METTL15: variants seen among roughly 807,000 people sequenced by gnomAD.
METTL15 encodes the protein 12S rRNA N(4)-cytidine methyltransferase METTL15.
METTL15 carries 34 observed loss-of-function variants against 38.3 expected under a neutral mutation model. The observed-to-expected ratio is 0.89, with a 90% CI of 0.68 to 1.18. The LOEUF is 1.18. Among genes scored for constraint, METTL15 ranks in the 50% most tolerant of loss-of-function variants. The pLI, the probability that METTL15 is intolerant of heterozygous loss-of-function variation, is 0.00. For synonymous variants in METTL15, 162 were observed against 170.9 expected (o/e 0.95, Z 0.41); for missense variants, 438 against 498.4 (o/e 0.88, Z 1.15).
intron 6 of METTL15, among the ~76,000 whole-genome samples, chr11:28,444,955 G>T (rs1286824089): frequency 6.6e-6 from 1 of 152,162 alleles, no homozygotes; most frequent in Non-Finnish European, 1.5e-5. Context: ...GGGGCTTGCT[G>T]TATGAGGACT....
At chr11:28,494,234 C>A (rs1410732023) in intron 6 of METTL15, among the ~76,000 whole-genome samples, 1 of 152,152 alleles carries the variant, frequency 6.6e-6, no homozygotes, top group East Asian at 1.9e-4. Flanking sequence ...GAAGGCCATG[C>A]AACAGGGGTC....
intron 5 of METTL15, among the ~76,000 whole-genome samples, chr11:28,388,934 C>T (rs1850470989): frequency 7.3e-5 from 11 of 151,486 alleles, no homozygotes; most frequent in Admixed American, 7.2e-4. Flanking sequence ...ATGCAGTGTT[C>T]GGTTTTTTGT....
intron 4 of METTL15, among the ~76,000 whole-genome samples, chr11:28,279,192 A>G (rs1279908137): frequency 6.6e-6 from 1 of 152,124 alleles, no homozygotes; most frequent in East Asian, 1.9e-4. Flanking sequence ...GACCTGGTGA[A>G]TTGTATTTTG....
chr11:28,119,079 T>C (rs908855207), intron 3 of METTL15, among the ~76,000 whole-genome samples: 5 of 152,192 alleles, frequency 3.3e-5, no homozygotes, highest in Non-Finnish European at 5.9e-5. Flanking sequence ...CCTTCAGGCC[T>C]GGAGTCAGGT....
intron 3 of METTL15, chr11:28,124,067 T>C: frequency 2.4e-6 from 1 of 416,686 alleles, no homozygotes; most frequent in Non-Finnish European, 4.2e-6. Flanking sequence ...AAGTATCATG[T>C]CAGATATGGA....
At chr11:28,462,916 T>C (rs1379913765) in intron 6 of METTL15, among the ~76,000 whole-genome samples, 1 of 152,144 alleles carries the variant, frequency 6.6e-6, no homozygotes, top group Non-Finnish European at 1.5e-5. Flanking sequence ...GCTGAGACTT[T>C]TGAAACATAT....
At chr11:28,328,840 CTT>C in intron 6 of METTL15, among the ~76,000 whole-genome samples, 1 of 151,968 alleles carries the variant, frequency 6.6e-6, no homozygotes, top group Middle Eastern at 3.4e-3. Context: ...CAGTTTACTT[CTT>C]TTATATATTC....
intron 3 of METTL15, among the ~76,000 whole-genome samples, chr11:28,340,943 T>A (rs565430925): frequency 1.3e-5 from 2 of 152,116 alleles, no homozygotes; most frequent in East Asian, 3.8e-4. Context: ...AATAATAGAC[T>A]GGATAAAGAA....
chr11:28,268,373 G>GT (rs1222000507), intron 4 of METTL15, among the ~76,000 whole-genome samples: 2 of 151,916 alleles, frequency 1.3e-5, no homozygotes, highest in Non-Finnish European at 2.9e-5. Flanking sequence ...ATGATTAGGA[G>GT]TTTTTTCCTG....
intron 3 of METTL15, among the ~76,000 whole-genome samples, chr11:28,117,316 G>T (rs1203112010): frequency 1.4e-5 from 2 of 142,648 alleles, no homozygotes; most frequent in Non-Finnish European, 3.0e-5. Context: ...GATAGGGGCA[G>T]TTAGTAAAAA....
At chr11:28,360,561 T>A (rs1343424692) in intron 4 of METTL15, among the ~76,000 whole-genome samples, 2 of 152,148 alleles carry the variant, frequency 1.3e-5, no homozygotes, top group Non-Finnish European at 2.9e-5. Context: ...AAACTCAGGC[T>A]TGATTTTGAG....
rs552805699 is a variant in METTL15, at chr11:28,296,698, C to T, written c.600-55C>T. The T allele has an allele frequency of 1.3e-5, 21 of 1,584,112 alleles. No homozygotes were observed. In the East Asian group the frequency reaches 2.2e-4, roughly 17 times the overall value. On this transcript the variant is annotated intron_variant, in intron 5 of 6. Transcript: ENST00000407364. ...TATGTCTCAGTACTCTGAAGTTTCACGTCTTGTCAATGAGAACTGATGTCA... is the reference window on the plus strand; with the variant it reads ...TATGTCTCAGTACTCTGAAGTTTCATGTCTTGTCAATGAGAACTGATGTCA...
chr11:28,473,799 C>G (rs986696313), intron 6 of METTL15, among the ~76,000 whole-genome samples: 1 of 152,056 alleles, frequency 6.6e-6, no homozygotes, highest in Non-Finnish European at 1.5e-5. Flanking sequence ...ATGCTAAAGA[C>G]CACCTGCAGA....
chr11:28,185,167 T>G (rs2133791722), intron 3 of METTL15, among the ~76,000 whole-genome samples: 1 of 151,696 alleles, frequency 6.6e-6, no homozygotes, highest in African/African-American at 2.4e-5. Context: ...AGGGATCATA[T>G]CTTTTCTATA....
In METTL15 at chr11:28,239,682, C is replaced by A. The variant is rs571915158; in HGVS notation, c.407+28484C>A. Among the ~76,000 whole-genome samples the A allele has an allele frequency of 6.6e-5, 10 of 152,314 alleles. 1 individual carries two copies. Among genetic ancestry groups the A allele is most frequent in the African/African-American group, 2.4e-4 (10 of 41,574 alleles). On this transcript the variant is annotated intron_variant, in intron 4 of 6. Coordinates refer to ENST00000407364, the MANE Select transcript of METTL15 (RefSeq NM_001113528.2). ...GCTACCTTGCTGTTCTTTAAGTACACCTAGCATGTTTGCACCTCCAAGCCA... is the reference window on the plus strand; with the variant it reads ...GCTACCTTGCTGTTCTTTAAGTACAACTAGCATGTTTGCACCTCCAAGCCA...
At chr11:28,350,681 G>A (rs1850033061) in intron 3 of METTL15, among the ~76,000 whole-genome samples, 2 of 152,210 alleles carry the variant, frequency 1.3e-5, no homozygotes, top group South Asian at 4.1e-4. Context: ...ATTTTGTACT[G>A]CAGTTAGCAC....
rs1853541057 is a variant in METTL15 at position 28,227,791 on chromosome 11, G to T, written c.407+16593G>T. On this transcript the variant is annotated intron_variant, in intron 4 of 6. Coordinates refer to ENST00000407364, the MANE Select transcript of METTL15 (RefSeq NM_001113528.2). The stretch of plus-strand genomic sequence containing the variant: ...AATGAGTAGGAGGAGGGCAAAATTG[G>T]AAAGGATTCAGTGAGATCAATTAGA... 2.0e-5 allele frequency among the ~76,000 whole-genome samples: 3 copies of T among 151,966 alleles called. No individual in the cohort carries two copies. The East Asian group carries it at 5.8e-4, about 29-fold the overall frequency.
chr11:28,158,427 A>G (rs542246065), intron 3 of METTL15, among the ~76,000 whole-genome samples: 1 of 152,288 alleles, frequency 6.6e-6, no homozygotes, highest in East Asian at 1.9e-4. Context: ...TGACCTGGCT[A>G]CGGCCACTGC....
In METTL15 at chr11:28,268,997, A is replaced by G. The variant is rs778805331; in HGVS notation, c.408-21209A>G. On this transcript the variant is annotated intron_variant, in intron 4 of 6. Coordinates refer to ENST00000407364, the MANE Select transcript of METTL15 (RefSeq NM_001113528.2). ...ACCAGGTACTATTTTGGTATAATCTATCACTTCTGTTACATTTTATTGGAT... is the reference window on the plus strand; with the variant it reads ...ACCAGGTACTATTTTGGTATAATCTGTCACTTCTGTTACATTTTATTGGAT... 3.9e-5 allele frequency among the ~76,000 whole-genome samples: 6 copies of G among 152,212 alleles called. No individual in the cohort carries two copies. The East Asian group carries it at 5.8e-4, about 15-fold the overall frequency.
Sources: allele counts gnomAD v4.1 joint callset (sites outside exome capture counted in the v4.1 genomes callset), GRCh38; gene constraint gnomAD v4.1.1; transcripts MANE v1.5; gene names NCBI Gene and HGNC (gene_info 2026-07-23, HGNC 2026-07-21).